THEMIS: variants seen among roughly 807,000 people sequenced by gnomAD.
The protein encoded by THEMIS is thymocyte selection associated, also known as protein THEMIS.
In THEMIS, 37 loss-of-function variants were observed where a neutral mutation model predicts 52.6. The observed-to-expected ratio is 0.70, with a 90% CI of 0.54 to 0.93. The LOEUF is 0.93. Among genes scored for constraint, THEMIS ranks in the 40% least tolerant of loss-of-function variants. The pLI is 0.00. For synonymous variants in THEMIS, 292 were observed against 272.7 expected (o/e 1.07, Z -0.70); for missense variants, 808 against 763.1 (o/e 1.06, Z -0.69).
intron 4 of THEMIS, among the ~76,000 whole-genome samples, chr6:127,720,469 A>G (rs770854798): frequency 1.3e-5 from 2 of 152,004 alleles, no homozygotes; most frequent in Non-Finnish European, 2.9e-5. Flanking sequence ...TCAGATGGGA[A>G]CAAAAAGTGA....
At chr6:127,770,722 A>C (rs1206547854) in intron 4 of THEMIS, among the ~76,000 whole-genome samples, 1 of 152,120 alleles carries the variant, frequency 6.6e-6, no homozygotes, top group African/African-American at 2.4e-5. Context: ...GGTATTGCCT[A>C]GGTTTTCTTC....
intron 1 of THEMIS, among the ~76,000 whole-genome samples, chr6:127,895,753 G>A (rs1780946118): frequency 6.6e-6 from 1 of 151,368 alleles, no homozygotes; most frequent in African/African-American, 2.4e-5. Context: ...AGAAATCTCA[G>A]CTCAGGAGGC....
chr6:127,895,596 A>G (rs891487772), intron 1 of THEMIS, among the ~76,000 whole-genome samples: 1 of 151,542 alleles, frequency 6.6e-6, no homozygotes, highest in African/African-American at 2.4e-5. Context: ...GATACATAAG[A>G]ACTCTATAGA....
At position 127,819,898 on chromosome 6, in the gene THEMIS, G is replaced by A. The variant is rs544859666; in HGVS notation, c.710-5967C>T. Among the ~76,000 whole-genome samples, 280 of 152,176 alleles carry A rather than the reference G, an allele frequency of 1.8e-3. 3 individuals are homozygous for A. The highest frequency in any genetic ancestry group is 6.8e-3 in the Middle Eastern group (2 of 294). On this transcript the variant is annotated intron_variant, in intron 3 of 5. Coordinates refer to ENST00000368248, the MANE Select transcript of THEMIS (RefSeq NM_001010923.3). ...GGCAGAATAAAACGTTTTATTTTTC[G>A]TATTCTTAATTGATCTAACAGAAAA...
upstream of THEMIS, among the ~76,000 whole-genome samples, chr6:127,903,708 G>T (rs377618143): frequency 6.6e-6 from 1 of 150,760 alleles, no homozygotes; most frequent in African/African-American, 2.4e-5. Flanking sequence ...AAATACTCCT[G>T]TAAATCAAAA....
At position 127,829,877 on chromosome 6, in the gene THEMIS, C is replaced by T. The variant is rs769021086; in HGVS notation, c.308G>A (p.Arg103Lys). ...TCTACTTGGTCCAATATGAATGGTC[C>T]TTGTGATTTCTTCCATAGTAAGGTA... ...TPYLTMEEIT[R>K]TIHIGPSRLG... The change falls in exon 3 of 6, where the codon AGG (arginine) becomes AAG (lysine). Residue 103 changes from arginine to lysine, a missense_variant. Coordinates refer to ENST00000368248, the MANE Select transcript of THEMIS (RefSeq NM_001010923.3). 1 of 1,613,776 alleles carries T rather than the reference C, an allele frequency of 6.2e-7. No individual in the cohort carries two copies. The highest frequency in any genetic ancestry group is 1.3e-5 in the African/African-American group (1 of 74,866).
intron 1 of THEMIS, among the ~76,000 whole-genome samples, chr6:127,894,982 A>AAT (rs1780920649): frequency 6.7e-6 from 1 of 148,420 alleles, no homozygotes; most frequent in African/African-American, 2.5e-5. Flanking sequence ...TATTTATATG[A>AAT]ATATATATAT....
chr6:127,902,422 G>A (rs144133729), upstream of THEMIS, among the ~76,000 whole-genome samples: 63 of 151,912 alleles, frequency 4.1e-4, no homozygotes, highest in East Asian at 0.012. Flanking sequence ...CCAAACCCAG[G>A]CACTTATCTA....
chr6:127,909,292 C>T (rs879494331), intron 1 of THEMIS, among the ~76,000 whole-genome samples: 4 of 151,998 alleles, frequency 2.6e-5, no homozygotes, highest in Non-Finnish European at 5.9e-5. Context: ...TGTGTCCCCA[C>T]CTAAGACTCA....
At chr6:127,779,049 G>C (rs1776658124) in intron 4 of THEMIS, among the ~76,000 whole-genome samples, 1 of 152,004 alleles carries the variant, frequency 6.6e-6, no homozygotes, top group African/African-American at 2.4e-5. Context: ...AGAAACATAG[G>C]CAAAGATTCC....
chr6:127,842,872 C>T (rs1318750036), intron 2 of THEMIS, among the ~76,000 whole-genome samples: 2 of 151,874 alleles, frequency 1.3e-5, no homozygotes, highest in African/African-American at 2.4e-5. Context: ...CAAAGACAAC[C>T]TCTGAGACAT....
chr6:127,715,054 A>G (rs1261433391), intron 5 of THEMIS, among the ~76,000 whole-genome samples: 3 of 152,062 alleles, frequency 2.0e-5, no homozygotes, highest in East Asian at 3.9e-4. Context: ...TGTTCAAAGA[A>G]TGAAATGACT....
chr6:127,819,541 G>A (rs927230561), intron 3 of THEMIS, among the ~76,000 whole-genome samples: 1 of 152,062 alleles, frequency 6.6e-6, no homozygotes, highest in Admixed American at 6.5e-5. Context: ...TGAACCAGAG[G>A]AGCAAAAACA....
intron 1 of THEMIS, among the ~76,000 whole-genome samples, chr6:127,896,785 T>C (rs1371460892): frequency 6.6e-6 from 1 of 151,586 alleles, no homozygotes; most frequent in Non-Finnish European, 1.5e-5. Flanking sequence ...ATTAAATCTT[T>C]ACCTCTTGAG....
At chr6:127,890,619 T>C (rs1335503713) in intron 1 of THEMIS, among the ~76,000 whole-genome samples, 1 of 152,094 alleles carries the variant, frequency 6.6e-6, no homozygotes, top group Non-Finnish European at 1.5e-5. Context: ...AAATGATCAA[T>C]GTTTGAGGTG....
intron 4 of THEMIS, among the ~76,000 whole-genome samples, chr6:127,731,862 T>TA: frequency 1.0e-5 from 1 of 100,376 alleles, no homozygotes; most frequent in Non-Finnish European, 1.9e-5. Context: ...CATGCCCGGC[T>TA]AATTTTTTTT....
chr6:127,825,489 T>C (rs1332077702), intron 3 of THEMIS, among the ~76,000 whole-genome samples: 2 of 152,198 alleles, frequency 1.3e-5, no homozygotes, highest in African/African-American at 4.8e-5. Flanking sequence ...CTTATATGTG[T>C]ATAGAATATT....
At position 127,813,441 on chromosome 6, in the gene THEMIS, G is replaced by A. The variant is rs1345640012; in HGVS notation, c.1200C>T (p.Leu400=). Reference sequence around the variant, plus strand: ...TCACCACTTTTTTTATTCCCTCACAGAGGACTTCAGTCGTCTCTGACTGAT... The same window carrying A: ...TCACCACTTTTTTTATTCCCTCACAAAGGACTTCAGTCGTCTCTGACTGAT... ...LVHQSETTEV[L]CEGIKKVVNV... Residue 400 remains leucine, a synonymous_variant, in exon 4 of 6, where the codon CTC becomes CTT. Coordinates refer to ENST00000368248, the MANE Select transcript of THEMIS (RefSeq NM_001010923.3). The A allele has an allele frequency of 3.1e-6, 5 of 1,613,968 alleles. No homozygotes were observed. The highest frequency in any genetic ancestry group is 4.2e-6 in the Non-Finnish European group (5 of 1,179,986).
At chr6:127,893,955 G>T (rs1780888405) in intron 1 of THEMIS, among the ~76,000 whole-genome samples, 1 of 151,550 alleles carries the variant, frequency 6.6e-6, no homozygotes, top group Non-Finnish European at 1.5e-5. Flanking sequence ...TAAAAAAATA[G>T]AACCTAAAGA....
Sources: allele counts gnomAD v4.1 joint callset (sites outside exome capture counted in the v4.1 genomes callset), GRCh38; gene constraint gnomAD v4.1.1; transcripts MANE v1.5; gene names NCBI Gene and HGNC (gene_info 2026-07-23, HGNC 2026-07-21).